JMY: variants seen among roughly 807,000 people sequenced by gnomAD.
The protein encoded by JMY is junction mediating and regulatory protein, p53 cofactor.
Under a neutral mutation model 103.3 loss-of-function variants are expected in JMY, and 46 were observed. That is an observed-to-expected ratio of 0.45 (90% CI 0.35 to 0.57). The LOEUF is 0.57. Ranked by LOEUF, JMY falls within the 20% of genes least tolerant of loss-of-function variation. JMY has a pLI of 0.00. For synonymous variants in JMY, 526 were observed against 489.3 expected (o/e 1.07, Z -0.99); for missense variants, 1,238 against 1,255.2 (o/e 0.99, Z 0.21).
At position 79,323,585 on chromosome 5, in the gene JMY, T is replaced by G. The variant is rs1161068259; in HGVS notation, c.*1983T>G. 6.6e-6 allele frequency: 1 copy of G among 152,230 alleles called. No homozygotes were observed. The highest frequency in any genetic ancestry group is 1.5e-5 in the Non-Finnish European group (1 of 68,036). 9.4% of individuals were successfully genotyped at this position (152,230 alleles called of 1,614,324 possible). On this transcript the variant is annotated 3_prime_UTR_variant, in exon 11 of 11. Coordinates refer to ENST00000396137, the MANE Select transcript of JMY (RefSeq NM_152405.5). ...GCTATCCAGTTTTTACGTACCCATG[T>G]GTCAACATTTCATATATCCAGTTCT...
chr5:79,284,057 T>TTTA, intron 2 of JMY: 1 of 1,004,906 alleles, frequency 1.0e-6, no homozygotes, highest in Non-Finnish European at 1.4e-6. Context: ...ACTTTCTTTT[T>TTTA]TTTATTTTTT....
At chr5:79,264,194 T>C (rs560644172) in intron 1 of JMY, among the ~76,000 whole-genome samples, 1 of 152,182 alleles carries the variant, frequency 6.6e-6, no homozygotes, top group Non-Finnish European at 1.5e-5. Context: ...CAGGTGATTC[T>C]TTCACCTCAA....
chr5:79,253,944 C>CTTT (rs562468793), intron 1 of JMY, among the ~76,000 whole-genome samples: 2 of 131,466 alleles, frequency 1.5e-5, no homozygotes, highest in African/African-American at 2.8e-5. Context: ...TGGTAGATGA[C>CTTT]TTTTTTTTTT....
At chr5:79,294,758 T>C (rs2112102025) in intron 4 of JMY, among the ~76,000 whole-genome samples, 1 of 151,496 alleles carries the variant, frequency 6.6e-6, no homozygotes, top group Middle Eastern at 3.4e-3. Context: ...CTCGGGAGGC[T>C]GAAGCAGGAG....
At position 79,237,429 on chromosome 5, in the gene JMY, C is replaced by G; in HGVS notation, c.779C>G (p.Pro260Arg). Residue 260 changes from proline to arginine, a missense_variant, in exon 1 of 11, where the codon CCC (proline) becomes CGC (arginine). Physicochemically the swap from Pro to Arg is moderately radical, Grantham distance 103 (BLOSUM62 -2). Coordinates refer to ENST00000396137, the MANE Select transcript of JMY (RefSeq NM_152405.5). ...SQLEPCLPVF[P>R]EEPSGMWTVL... ...TTGGAGCCGTGCCTGCCGGTGTTCC[C>G]CGAGGAACCTTCGGGCATGTGGACT... is the stretch of plus-strand genomic sequence containing the variant. 1 of 1,613,822 alleles carries G rather than the reference C, an allele frequency of 6.2e-7. No homozygotes were observed. Among genetic ancestry groups the G allele is most frequent in the Non-Finnish European group, 8.5e-7 (1 of 1,180,012 alleles).
intron 3 of JMY, among the ~76,000 whole-genome samples, chr5:79,290,545 T>G (rs1177527628): frequency 2.0e-5 from 3 of 152,128 alleles, no homozygotes; most frequent in Non-Finnish European, 4.4e-5. Context: ...ATTAATGCTT[T>G]CCTGGAAACT....
chr5:79,285,705 C>T (rs1746248277), intron 2 of JMY, among the ~76,000 whole-genome samples: 1 of 152,098 alleles, frequency 6.6e-6, no homozygotes, highest in South Asian at 2.1e-4. Flanking sequence ...CATCTTCAGG[C>T]AACTCCAGGG....
At chr5:79,307,228 G>A (rs547750347) in intron 7 of JMY, among the ~76,000 whole-genome samples, 2 of 152,260 alleles carry the variant, frequency 1.3e-5, no homozygotes, top group South Asian at 2.1e-4. Context: ...AGGGCTTTTT[G>A]TGCACATAAA....
rs1366241367 is a variant in JMY at position 79,257,768 on chromosome 5, C to CT, written c.1032+20096dup. On this transcript the variant is annotated intron_variant, in intron 1 of 10. Coordinates refer to ENST00000396137, the MANE Select transcript of JMY (RefSeq NM_152405.5). The stretch of plus-strand genomic sequence containing the variant: ...TCCCTAAGAGATGAAAACAGATTAT[C>CT]TTTTTTTTTTGGAGACGGAGTCTTA... Among the ~76,000 whole-genome samples the CT allele has an allele frequency of 2.6e-3, 362 of 139,606 alleles. 1 individual carries two copies. Among genetic ancestry groups the CT allele is most frequent in the Non-Finnish European group, 4.3e-3 (277 of 64,114 alleles). The allele number at this position is 139,606 out of a possible 152,430, so 91.6% of individuals were successfully genotyped here.
chr5:79,312,307 C>T (rs1747071209), intron 7 of JMY, 96 bp from the exon 8 acceptor site: 2 of 635,622 alleles, frequency 3.1e-6, no homozygotes, highest in African/African-American at 1.9e-5. Flanking sequence ...TGAATCATCC[C>T]CTTTGGCCCA....
At chr5:79,262,721 A>G (rs940352528) in intron 1 of JMY, among the ~76,000 whole-genome samples, 1 of 152,254 alleles carries the variant, frequency 6.6e-6, no homozygotes, top group African/African-American at 2.4e-5. Context: ...GTGTTAGGTG[A>G]GATGGCTTGG....
intron 1 of JMY, among the ~76,000 whole-genome samples, chr5:79,277,127 A>G (rs1017324654): frequency 6.6e-6 from 1 of 152,126 alleles, no homozygotes; most frequent in African/African-American, 2.4e-5. Flanking sequence ...GGGGAAAAGA[A>G]TAATTTTTTA....
chr5:79,320,166 G>T (rs184588215), intron 10 of JMY, among the ~76,000 whole-genome samples: 1 of 152,106 alleles, frequency 6.6e-6, no homozygotes, highest in Non-Finnish European at 1.5e-5. Context: ...TGGATCACTT[G>T]AGCCCAGGAA....
At chr5:79,298,858 C>G (rs1002602927) in intron 4 of JMY, among the ~76,000 whole-genome samples, 2 of 152,108 alleles carry the variant, frequency 1.3e-5, no homozygotes, top group Non-Finnish European at 2.9e-5. Context: ...GATATATAGA[C>G]TGTAAAGCAA....
chr5:79,237,114 C>T lies in JMY; in HGVS notation c.464C>T (p.Ser155Phe), dbSNP rs1207775895. ...AAACCCATCCCGGGTCAGAAAACAT[C>T]TGAAGCCGACGATGCGGCGGGGGCA... ...RAKPIPGQKT[S>F]EADDAAGAAA... The change falls in exon 1 of 11, where the codon TCT (serine) becomes TTT (phenylalanine). Residue 155 changes from serine to phenylalanine, a missense_variant. Coordinates refer to ENST00000396137, the MANE Select transcript of JMY (RefSeq NM_152405.5). 3 of 1,548,828 alleles carry T rather than the reference C, an allele frequency of 1.9e-6. No homozygotes were observed. The highest frequency in any genetic ancestry group is 1.2e-5 in the South Asian group (1 of 84,022).
intron 4 of JMY, among the ~76,000 whole-genome samples, chr5:79,296,196 T>TA (rs1746557175): frequency 6.6e-6 from 1 of 152,200 alleles, no homozygotes; most frequent in South Asian, 2.1e-4. Flanking sequence ...GGATTAAAAA[T>TA]AGTTTATGAA....
intron 3 of JMY, among the ~76,000 whole-genome samples, chr5:79,290,863 G>A (rs1411075719): frequency 6.6e-6 from 1 of 152,110 alleles, no homozygotes; most frequent in Non-Finnish European, 1.5e-5. Flanking sequence ...GTGGGTGCCT[G>A]TAATCCCAGC....
chr5:79,270,527 A>G (rs1312898844), intron 1 of JMY, among the ~76,000 whole-genome samples: 1 of 92,208 alleles, frequency 1.1e-5, no homozygotes, highest in Non-Finnish European at 2.5e-5. Flanking sequence ...TAAAATATAT[A>G]TTTACATAAA....
chr5:79,295,371 A>G (rs894364997), intron 4 of JMY, among the ~76,000 whole-genome samples: 2 of 152,224 alleles, frequency 1.3e-5, no homozygotes, highest in African/African-American at 4.8e-5. Flanking sequence ...TTAACTCTTT[A>G]GGAAAGCTTC....
Sources: gnomAD v4.1 joint callset for allele counts (sites outside exome capture counted in the v4.1 genomes callset) on GRCh38, gnomAD v4.1.1 for gene constraint, MANE v1.5 for transcripts, NCBI Gene and HGNC (gene_info 2026-07-23, HGNC 2026-07-21) for gene names.